The following GPC6 variants were observed in gnomAD, a reference collection of about 807,000 sequenced individuals.
The protein encoded by GPC6 is glypican-6.
GPC6 carries 14 observed loss-of-function variants against 55.2 expected under a neutral mutation model. The observed-to-expected ratio is 0.25, with a 90% CI of 0.17 to 0.40. The LOEUF is 0.40. Among genes scored for constraint, GPC6 ranks in the 10% least tolerant of loss-of-function variants. The probability of loss-of-function intolerance (pLI) is 1.00; values close to 1 mark genes in which losing one functional copy is unlikely to be tolerated. For synonymous variants in GPC6, 278 were observed against 259.6 expected, an observed-to-expected ratio of 1.07 and a Z score of -0.68; for missense variants, 641 against 708.5, an observed-to-expected ratio of 0.90 and a Z score of 1.08.
At chr13:93,413,981 A>G (rs1876603593) in intron 1 of GPC6, among the ~76,000 whole-genome samples, 1 of 152,198 alleles carries the variant, frequency 6.6e-6, no homozygotes, top group Admixed American at 6.5e-5. Flanking sequence ...CAATTGCTGA[A>G]AATATACTGA....
At chr13:93,467,588 T>C (rs1287773974) in intron 1 of GPC6, among the ~76,000 whole-genome samples, 1 of 141,958 alleles carries the variant, frequency 7.0e-6, no homozygotes, top group Non-Finnish European at 1.5e-5. Context: ...TTTTTTTTTT[T>C]TTTTTTTTTT....
At chr13:94,234,072 G>A (rs182441104) in intron 4 of GPC6, among the ~76,000 whole-genome samples, 4 of 152,170 alleles carry the variant, frequency 2.6e-5, no homozygotes, top group Non-Finnish European at 4.4e-5. Context: ...AACTCTACTA[G>A]ATCAAAACCA....
intron 2 of GPC6, among the ~76,000 whole-genome samples, chr13:93,761,598 C>G (rs1884956598): frequency 6.6e-6 from 1 of 152,058 alleles, no homozygotes; most frequent in African/African-American, 2.4e-5. Context: ...CTCCCTGCAA[C>G]CTAGAGCTCC....
intron 1 of GPC6, among the ~76,000 whole-genome samples, chr13:93,351,588 T>C (rs1880634264): frequency 6.6e-6 from 1 of 152,218 alleles, no homozygotes. Flanking sequence ...AGGAGGATAT[T>C]GAATGTTCCC....
At chr13:93,486,843 C>T (rs1879730114) in intron 1 of GPC6, among the ~76,000 whole-genome samples, 1 of 151,580 alleles carries the variant, frequency 6.6e-6, no homozygotes. Context: ...TATTTGGGAG[C>T]CTGAGGCAGG....
At chr13:93,496,510 T>C (rs1425181242) in intron 1 of GPC6, among the ~76,000 whole-genome samples, 2 of 152,202 alleles carry the variant, frequency 1.3e-5, no homozygotes, top group African/African-American at 4.8e-5. Flanking sequence ...ACCGGAGCTG[T>C]TCCTATTCGG....
chr13:94,268,687 G>A (rs554356560), intron 4 of GPC6, among the ~76,000 whole-genome samples: 7 of 151,748 alleles, frequency 4.6e-5, no homozygotes, highest in African/African-American at 9.7e-5. Context: ...CCATCTTTTC[G>A]TCTGAAAATC....
At chr13:93,320,839 C>T (rs1879414203) in intron 1 of GPC6, among the ~76,000 whole-genome samples, 1 of 152,142 alleles carries the variant, frequency 6.6e-6, no homozygotes, top group Non-Finnish European at 1.5e-5. Context: ...AACAAATCTT[C>T]ATGGCGGAGT....
intron 4 of GPC6, among the ~76,000 whole-genome samples, chr13:94,163,449 A>T (rs1293522412): frequency 2.0e-5 from 3 of 152,130 alleles, no homozygotes; most frequent in Non-Finnish European, 4.4e-5. Context: ...AACTCTTTTT[A>T]AAAAAACAAT....
At chr13:93,389,958 AT>A (rs1345832452) in intron 1 of GPC6, among the ~76,000 whole-genome samples, 1 of 152,104 alleles carries the variant, frequency 6.6e-6, no homozygotes, top group Non-Finnish European at 1.5e-5. Context: ...CTACTAATGA[AT>A]TTCAAGAGTT....
intron 4 of GPC6, among the ~76,000 whole-genome samples, chr13:94,038,361 C>G (rs1401115217): frequency 6.6e-6 from 1 of 151,750 alleles, no homozygotes; most frequent in Non-Finnish European, 1.5e-5. Flanking sequence ...TTGCTTAGAC[C>G]TAGACTAGGC....
intron 1 of GPC6, among the ~76,000 whole-genome samples, chr13:93,387,350 G>A (rs915982065): frequency 2.0e-4 from 30 of 152,054 alleles, no homozygotes; most frequent in Non-Finnish European, 4.1e-4. Flanking sequence ...ACAGGCCCCA[G>A]TGTGTGATGC....
chr13:93,807,028 A>G (rs2138945758), intron 2 of GPC6, among the ~76,000 whole-genome samples: 1 of 152,324 alleles, frequency 6.6e-6, no homozygotes, highest in East Asian at 1.9e-4. Context: ...GTGTATAATA[A>G]TATCTTTGCA....
chr13:94,302,629 C>T (rs757513079), intron 5 of GPC6, among the ~76,000 whole-genome samples: 6 of 152,294 alleles, frequency 3.9e-5, no homozygotes, highest in South Asian at 2.1e-4. Flanking sequence ...GCAAAAACAA[C>T]GGCAAAGTAC....
At chr13:94,259,062 G>C (rs1362037518) in intron 4 of GPC6, among the ~76,000 whole-genome samples, 1 of 151,494 alleles carries the variant, frequency 6.6e-6, no homozygotes, top group Non-Finnish European at 1.5e-5. Flanking sequence ...CTAGCACACT[G>C]GAAACCTTCT....
intron 4 of GPC6, among the ~76,000 whole-genome samples, chr13:94,269,379 C>T (rs1380169256): frequency 6.6e-6 from 1 of 152,188 alleles, no homozygotes; most frequent in East Asian, 1.9e-4. Flanking sequence ...ACCCGTTTTC[C>T]TGTGATATTG....
At chr13:93,535,701 A>C (rs1423046389) in intron 1 of GPC6, among the ~76,000 whole-genome samples, 5 of 150,216 alleles carry the variant, frequency 3.3e-5, no homozygotes, top group East Asian at 2.0e-4. Flanking sequence ...AAAAAAAAAA[A>C]CCAAGCAGAA....
chr13:93,509,652 C>CA lies in GPC6; in HGVS notation c.161-35608dup, dbSNP rs1003728866. ...GTGGACATACCAAAGCAACTTGCCT[C>CA]AAACATGAGAGCCCTCACCGAGTTC... On this transcript the variant is annotated intron_variant, in intron 1 of 8. Coordinates refer to ENST00000377047, the MANE Select transcript of GPC6 (RefSeq NM_005708.5). 1.6e-4 allele frequency among the ~76,000 whole-genome samples: 24 copies of CA among 152,186 alleles called. 1 individual carries two copies. The highest frequency in any genetic ancestry group is 4.4e-5 in the Non-Finnish European group (3 of 68,030).
intron 3 of GPC6, among the ~76,000 whole-genome samples, chr13:93,899,492 T>C (rs1011663636): frequency 2.0e-5 from 3 of 150,094 alleles, no homozygotes; most frequent in African/African-American, 7.4e-5. Flanking sequence ...ACATTTGCAG[T>C]GAAACTTGAG....
Sources: allele counts gnomAD v4.1 joint callset (sites outside exome capture counted in the v4.1 genomes callset), GRCh38; gene constraint gnomAD v4.1.1; transcripts MANE v1.5; gene names NCBI Gene and HGNC (gene_info 2026-07-23, HGNC 2026-07-21).